The following ATG14 variants were observed in gnomAD, a reference collection of about 807,000 sequenced individuals.
ATG14 encodes autophagy related 14.
In ATG14, 35 loss-of-function variants were observed where a neutral mutation model predicts 60.4. That is an observed-to-expected ratio of 0.58 (90% CI 0.44 to 0.77). The LOEUF is 0.77. Among genes scored for constraint, ATG14 ranks in the 30% least tolerant of loss-of-function variants. ATG14 has a pLI of 0.00. For missense variants in ATG14, 647 were observed against 626.3 expected (o/e 1.03, Z -0.35); for synonymous variants, 234 against 228.8 (o/e 1.02, Z -0.21).
chr14:55,370,754 C>A (rs8021377), intron 9 of ATG14, among the ~76,000 whole-genome samples: 15,199 of 152,006 alleles, frequency 0.1, 2,106 homozygotes, highest in African/African-American at 0.31. Flanking sequence ...GATTCTCCTG[C>A]CTCAACCTCC....
chr14:55,379,745 G>A (rs956564712), intron 7 of ATG14, among the ~76,000 whole-genome samples: 4 of 152,066 alleles, frequency 2.6e-5, no homozygotes, highest in Non-Finnish European at 5.9e-5. Context: ...TTTTTGAGAC[G>A]AAGTCTCATT....
At chr14:55,378,432 C>T (rs982578082) in intron 7 of ATG14, among the ~76,000 whole-genome samples, 1 of 152,234 alleles carries the variant, frequency 6.6e-6, no homozygotes, top group Non-Finnish European at 1.5e-5. Context: ...ATACAACTGT[C>T]ATCTGCTTTA....
intron 9 of ATG14, among the ~76,000 whole-genome samples, chr14:55,371,052 G>C (rs535094746): frequency 6.6e-6 from 1 of 152,266 alleles, no homozygotes; most frequent in East Asian, 1.9e-4. Flanking sequence ...CTGCCTTCCA[G>C]GGAACTGCCC....
At chr14:55,385,449 C>T (rs951481958) in intron 5 of ATG14, among the ~76,000 whole-genome samples, 3 of 152,200 alleles carry the variant, frequency 2.0e-5, no homozygotes, top group Non-Finnish European at 2.9e-5. Context: ...CGCGCCACCA[C>T]GCCTGGCTAA....
In ATG14 at chr14:55,382,067, C is replaced by A. The variant is rs1229472555; in HGVS notation, c.772G>T (p.Asp258Tyr). 1.2e-6 allele frequency: 2 copies of A among 1,614,072 alleles called. No individual in the cohort carries two copies. The highest frequency in any genetic ancestry group is 1.7e-6 in the Non-Finnish European group (2 of 1,180,028). Residue 258 changes from aspartate to tyrosine, a missense_variant, in exon 6 of 10, where the codon GAC becomes TAC. Physicochemically the swap from Asp to Tyr is radical, Grantham distance 160. Coordinates refer to ENST00000247178, the MANE Select transcript of ATG14 (RefSeq NM_014924.5). ...GRWVCDDHNG[D>Y]TSISITGPWI... ...GGCCCTGTAATGCTAATGCTGGTGT[C>A]TCCGTTGTGATCGTCACAGACCCAT...
At chr14:55,384,886 G>T (rs1452207565) in intron 5 of ATG14, among the ~76,000 whole-genome samples, 1 of 152,200 alleles carries the variant, frequency 6.6e-6, no homozygotes, top group Non-Finnish European at 1.5e-5. Context: ...GAAGTTTAAA[G>T]ATATAGAAAT....
chr14:55,375,517 T>TTA (rs1491059918), intron 9 of ATG14, among the ~76,000 whole-genome samples: 4 of 142,994 alleles, frequency 2.8e-5, no homozygotes, highest in Non-Finnish European at 4.6e-5. Flanking sequence ...TTTTTTTTTT[T>TTA]ACTTTTTGTA....
At chr14:55,373,297 G>A (rs1325432525) in intron 9 of ATG14, among the ~76,000 whole-genome samples, 1 of 152,080 alleles carries the variant, frequency 6.6e-6, no homozygotes, top group East Asian at 1.9e-4. Flanking sequence ...GGCAACAAAA[G>A]GATCTTTCTA....
rs1287378689 is a variant in ATG14, at chr14:55,367,882, C to CAAAT, written c.*1733_*1736dup. On this transcript the variant is annotated 3_prime_UTR_variant, in exon 10 of 10. Coordinates refer to ENST00000247178, the MANE Select transcript of ATG14 (RefSeq NM_014924.5). ...CTCTACCCAAAACTATACAAAACACCAAATATACCATTAGCAAAAGCTATA... is the reference window on the plus strand; with the variant it reads ...CTCTACCCAAAACTATACAAAACACCAAATAAATATACCATTAGCAAAAGCTATA... 1 of 152,340 alleles carries CAAAT rather than the reference C, an allele frequency of 6.6e-6. No individual in the cohort carries two copies. Among genetic ancestry groups the CAAAT allele is most frequent in the East Asian group, 1.9e-4 (1 of 5,206 alleles). 9.4% of individuals were successfully genotyped at this position (152,340 alleles called of 1,614,324 possible).
intron 1 of ATG14, among the ~76,000 whole-genome samples, chr14:55,410,235 A>G (rs188505144): frequency 1.0e-3 from 159 of 152,352 alleles, no homozygotes; most frequent in Admixed American, 1.6e-3. Flanking sequence ...ATGTTGAATA[A>G]GCAGCTGTTT....
chr14:55,395,312 G>A, intron 3 of ATG14: 1 of 269,070 alleles, frequency 3.7e-6, no homozygotes. Context: ...GGGCTGCCTG[G>A]CTGCTGCCAC....
rs1464556025 is a variant in ATG14, at chr14:55,369,821, T to A, written c.1277A>T (p.Asp426Val). The A allele has an allele frequency of 7.4e-6, 12 of 1,614,224 alleles. No individual in the cohort carries two copies. Among genetic ancestry groups the A allele is most frequent in the Non-Finnish European group, 1.0e-5 (12 of 1,180,042 alleles). ...GTCTGTGCCCAGGTCGGTTTCTTCA[T>A]CGCTGACGCGCTCATCTCCGCTCTC... is the stretch of plus-strand genomic sequence containing the variant. ...SDESGDERVSDEETDLGTDWE... is the reference protein window; with the variant it reads ...SDESGDERVSVEETDLGTDWE... The change falls in exon 10 of 10, where the codon GAT (aspartate) becomes GTT (valine). Residue 426 changes from aspartate to valine, a missense_variant. Coordinates refer to ENST00000247178, the MANE Select transcript of ATG14 (RefSeq NM_014924.5).
At chr14:55,390,063 C>T (rs1024456202) in intron 4 of ATG14, among the ~76,000 whole-genome samples, 5 of 152,094 alleles carry the variant, frequency 3.3e-5, no homozygotes, top group African/African-American at 1.2e-4. Context: ...CAAATGGGAA[C>T]ATACATTCCT....
intron 9 of ATG14, among the ~76,000 whole-genome samples, chr14:55,375,426 G>A (rs1413152591): frequency 2.7e-5 from 4 of 150,290 alleles, no homozygotes; most frequent in African/African-American, 9.8e-5. Context: ...CAACTCAGGC[G>A]ACCCTCCCAC....
chr14:55,385,885 T>C lies in ATG14; in HGVS notation c.621A>G (p.Pro207=), dbSNP rs1398063938. ...HILELTSVIF[P]IEEVKTGVRD... ...TCACACCCGTCTTTACTTCCTCGAT[T>C]GGAAAAATGACAGAGGTGAGCTCTA... The change falls in exon 5 of 10, where the codon CCA becomes CCG. Residue 207 remains proline (P), a synonymous_variant. Coordinates refer to ENST00000247178, the MANE Select transcript of ATG14 (RefSeq NM_014924.5). The C allele has an allele frequency of 1.9e-6, 3 of 1,612,132 alleles. No individual in the cohort carries two copies. Among genetic ancestry groups the C allele is most frequent in the Non-Finnish European group, 2.5e-6 (3 of 1,178,832 alleles).
chr14:55,394,957 A>C (rs1251746223), intron 3 of ATG14: 1 of 397,294 alleles, frequency 2.5e-6, no homozygotes, highest in Non-Finnish European at 4.9e-6. Flanking sequence ...TCCTAAAAAA[A>C]AGCACTGACA....
Position 55,391,769 on chromosome 14 carries a change from C to T in ATG14, c.328-777G>A, listed in dbSNP as rs992594497. On this transcript the variant is annotated intron_variant, in intron 3 of 9. Transcript: ENST00000247178. Reference sequence around the variant, plus strand: ...GCATCATCACGCAAAGTCCTACTGACGTGCAGCTCCAAACCTCTAGTTCTG... The same window carrying T: ...GCATCATCACGCAAAGTCCTACTGATGTGCAGCTCCAAACCTCTAGTTCTG... Among the ~76,000 whole-genome samples the T allele has an allele frequency of 2.6e-5, 4 of 152,182 alleles. No homozygotes were observed. In the East Asian group the frequency reaches 5.8e-4, roughly 22 times the overall value.
At chr14:55,407,277 C>T (rs756746760) in intron 1 of ATG14, among the ~76,000 whole-genome samples, 3 of 152,160 alleles carry the variant, frequency 2.0e-5, no homozygotes. Flanking sequence ...CACAGGCATG[C>T]GTGCCACCAC....
intron 6 of ATG14, 79 bp from the exon 7 acceptor site, chr14:55,380,769 T>C: frequency 1.0e-6 from 1 of 967,172 alleles, no homozygotes. Flanking sequence ...TTATCATTTA[T>C]GATTTTATCA....
Sources: gnomAD v4.1 joint callset for allele counts (sites outside exome capture counted in the v4.1 genomes callset) on GRCh38, gnomAD v4.1.1 for gene constraint, MANE v1.5 for transcripts, NCBI Gene and HGNC (gene_info 2026-07-23, HGNC 2026-07-21) for gene names.